Variants in GBP7 observed in about 807,000 individuals in gnomAD.
The protein encoded by GBP7 is guanylate binding protein 7.
In GBP7, 43 loss-of-function variants were observed where a neutral mutation model predicts 61.3. The ratio of observed to expected loss-of-function variants is 0.70; its 90% CI spans 0.55 to 0.91. The LOEUF is 0.91. Ranked by LOEUF, GBP7 falls within the 40% of genes least tolerant of loss-of-function variation. The pLI, the probability that GBP7 is intolerant of heterozygous loss-of-function variation, is 0.00. For synonymous variants in GBP7, 267 were observed against 271.0 expected (o/e 0.99, Z 0.14); for missense variants, 717 against 740.5 (o/e 0.97, Z 0.37).
chr1:89,144,560 TTAA>T (rs1682022806), intron 8 of GBP7, among the ~76,000 whole-genome samples: 1 of 152,220 alleles, frequency 6.6e-6, no homozygotes, highest in African/African-American at 2.4e-5. Flanking sequence ...TTTTCCCTTT[TTAA>T]TAATATAGGC....
intron 2 of GBP7, among the ~76,000 whole-genome samples, chr1:89,166,806 A>T (rs1647456356): frequency 6.6e-6 from 1 of 152,242 alleles, no homozygotes; most frequent in Non-Finnish European, 1.5e-5. Flanking sequence ...GTAAACTTGC[A>T]AGTGGTCTAA....
At chr1:89,167,833 A>G (rs1647484823) in intron 2 of GBP7, among the ~76,000 whole-genome samples, 1 of 152,262 alleles carries the variant, frequency 6.6e-6, no homozygotes, top group African/African-American at 2.4e-5. Flanking sequence ...ACACGAGTCC[A>G]AACTCCTGAC....
chr1:89,158,923 A>T (rs989179136), intron 3 of GBP7, among the ~76,000 whole-genome samples: 1 of 152,200 alleles, frequency 6.6e-6, no homozygotes, highest in Non-Finnish European at 1.5e-5. Flanking sequence ...AAGCCAAAAG[A>T]ACAAAGCTGG....
chr1:89,171,522 A>C (rs1230151677), intron 2 of GBP7, among the ~76,000 whole-genome samples: 1 of 151,886 alleles, frequency 6.6e-6, no homozygotes, highest in African/African-American at 2.4e-5. Flanking sequence ...TAATTTTTTT[A>C]TTAATACCTT....
rs1681682874 is a variant in GBP7 at position 89,131,801 on chromosome 1, G to C, written c.*348C>G. On this transcript the variant is annotated 3_prime_UTR_variant, in exon 11 of 11. Transcript: ENST00000294671. ...TAAACATTTTTATTATCATATTTTT[G>C]CCTGTTTAAAATATGTGGCGTTACT... 3 of 163,186 alleles carry C rather than the reference G, an allele frequency of 1.8e-5. No individual in the cohort carries two copies. The highest frequency in any genetic ancestry group is 1.3e-4 in the Admixed American group (2 of 15,930). The allele number at this position is 163,186 out of a possible 1,614,324, so 10.1% of individuals were successfully genotyped here.
At chr1:89,148,352 T>A (rs560966140) in intron 7 of GBP7, among the ~76,000 whole-genome samples, 1 of 152,244 alleles carries the variant, frequency 6.6e-6, no homozygotes, top group African/African-American at 2.4e-5. Context: ...ACAGTGCCAA[T>A]GGCAGATTTA....
At chr1:89,158,894 G>A (rs529178337) in intron 3 of GBP7, among the ~76,000 whole-genome samples, 3 of 151,378 alleles carry the variant, frequency 2.0e-5, no homozygotes, top group East Asian at 3.9e-4. Context: ...AAAAGAGCCC[G>A]CATTGCCAAG....
intron 9 of GBP7, among the ~76,000 whole-genome samples, chr1:89,139,835 C>T (rs1681891233): frequency 6.6e-6 from 1 of 152,194 alleles, no homozygotes; most frequent in Non-Finnish European, 1.5e-5. Flanking sequence ...CACTTTTACC[C>T]TGTTGGTGGG....
chr1:89,145,632 G>T (rs1301896037), intron 8 of GBP7, among the ~76,000 whole-genome samples: 2 of 152,046 alleles, frequency 1.3e-5, no homozygotes, highest in Non-Finnish European at 2.9e-5. Context: ...CAGCAAAGTT[G>T]GAGGATACAA....
intron 8 of GBP7, among the ~76,000 whole-genome samples, chr1:89,142,961 T>G (rs1289609523): frequency 6.6e-6 from 1 of 152,188 alleles, no homozygotes; most frequent in Non-Finnish European, 1.5e-5. Flanking sequence ...TGATGGACAT[T>G]AGGGTAAAAT....
rs1203831147 is a variant in GBP7 at position 89,149,448 on chromosome 1, G to A, written c.996C>T (p.Asn332=). 1.2e-6 allele frequency: 2 copies of A among 1,614,148 alleles called. No homozygotes were observed. The highest frequency in any genetic ancestry group is 1.1e-5 in the South Asian group (1 of 91,078). ...ENSAAVQRAA[N]HYSQQMAQQV... ...GCTGGGCCATCTGCTGGCTGTAGTG[G>A]TTGGCTGCCCTCTGCACGGCTGCTG... The change falls in exon 7 of 11, where the codon AAC becomes AAT. Residue 332 remains asparagine (N), a synonymous_variant. Coordinates refer to ENST00000294671, the MANE Select transcript of GBP7 (RefSeq NM_207398.3).
chr1:89,150,245 A>T, intron 6 of GBP7, 85 bp downstream of exon 6: 1 of 1,248,264 alleles, frequency 8.0e-7, no homozygotes, highest in South Asian at 1.4e-5. Context: ...TCTCCTTACC[A>T]GTTGTTCGTG....
chr1:89,155,819 A>G (rs1288758198), intron 3 of GBP7, among the ~76,000 whole-genome samples: 3 of 152,246 alleles, frequency 2.0e-5, no homozygotes, highest in African/African-American at 7.2e-5. Flanking sequence ...CCAACCTAGC[A>G]AGGCAGGCCA....
In GBP7 at chr1:89,132,205, T is replaced by C; in HGVS notation, c.1861A>G (p.Ile621Val). The change falls in exon 11 of 11, where the codon ATT (isoleucine) becomes GTT (valine). Residue 621 changes from isoleucine to valine, a missense_variant. Ile to Val is a conservative substitution (Grantham distance 29). This residue lies in a region of GBP7 where 312 missense variants were observed against 310.1 expected (regional missense o/e 1.01). Coordinates refer to ENST00000294671, the MANE Select transcript of GBP7 (RefSeq NM_207398.3). ...AGCCTATTACATAATGAGCTAAGAATTTTCATTCCTAAATCAACTAGCTTA... is the reference window on the plus strand; with the variant it reads ...AGCCTATTACATAATGAGCTAAGAACTTTCATTCCTAAATCAACTAGCTTA... ...AAKLVDLGMK[I>V]LSSLCNRLRN... is the part of the protein sequence containing the mutation. 1 of 1,613,348 alleles carries C rather than the reference T, an allele frequency of 6.2e-7. No individual in the cohort carries two copies. The highest frequency in any genetic ancestry group is 2.2e-5 in the East Asian group (1 of 44,872).
rs191168919 is a variant in GBP7 at position 89,147,997 on chromosome 1, G to A, written c.1153-218C>T. ...TCTATCTTTCCTTCAGCAAAAGTATGATTAACAGTGATCTAACTATAAACA... is the reference window on the plus strand; with the variant it reads ...TCTATCTTTCCTTCAGCAAAAGTATAATTAACAGTGATCTAACTATAAACA... On this transcript the variant is annotated intron_variant, in intron 7 of 10. Coordinates refer to ENST00000294671, the MANE Select transcript of GBP7 (RefSeq NM_207398.3). Among the ~76,000 whole-genome samples the A allele has an allele frequency of 5.7e-4, 87 of 152,270 alleles. No homozygotes were observed. In the Middle Eastern group the frequency reaches 0.014, roughly 24 times the overall value.
intron 3 of GBP7, among the ~76,000 whole-genome samples, chr1:89,161,027 CAT>C (rs1440769836): frequency 6.6e-6 from 1 of 152,136 alleles, no homozygotes; most frequent in Admixed American, 6.5e-5. Flanking sequence ...TAAGTGAGAA[CAT>C]GTGGTATTTG....
chr1:89,156,002 A>C (rs1471845982), intron 3 of GBP7, among the ~76,000 whole-genome samples: 1 of 152,240 alleles, frequency 6.6e-6, no homozygotes, highest in East Asian at 1.9e-4. Flanking sequence ...GACTAATAGC[A>C]GATCTCTTGG....
chr1:89,133,163 T>C, intron 10 of GBP7, 95 bp downstream of exon 10: 1 of 830,702 alleles, frequency 1.2e-6, no homozygotes, highest in Non-Finnish European at 2.0e-6. Context: ...TTGTGTTTCC[T>C]TCTGAAATCT....
At chr1:89,168,422 C>T (rs1647502075) in intron 2 of GBP7, among the ~76,000 whole-genome samples, 1 of 152,076 alleles carries the variant, frequency 6.6e-6, no homozygotes, top group Admixed American at 6.6e-5. Context: ...CTGAAAATAA[C>T]CTTTTAAAAA....
Sources: allele counts gnomAD v4.1 joint callset (sites outside exome capture counted in the v4.1 genomes callset), GRCh38; gene constraint gnomAD v4.1.1; regional missense constraint gnomAD v4.1.1; transcripts MANE v1.5; gene names NCBI Gene and HGNC (gene_info 2026-07-23, HGNC 2026-07-21).